VIPR2: variants seen among roughly 807,000 people sequenced by gnomAD.
VIPR2 encodes vasoactive intestinal polypeptide receptor 2.
In VIPR2, 48 loss-of-function variants were observed where a neutral mutation model predicts 58.0. That is an observed-to-expected ratio of 0.83 (90% confidence interval 0.66 to 1.05). The LOEUF is 1.05. VIPR2 is among the 50% of genes least tolerant of loss of function. The probability of loss-of-function intolerance (pLI) is 0.00; values close to 1 mark genes in which losing one functional copy is unlikely to be tolerated. For synonymous variants in VIPR2, 243 were observed against 235.2 expected, an observed-to-expected ratio of 1.03 and a Z score of -0.30; for missense variants, 534 against 558.0, an observed-to-expected ratio of 0.96 and a Z score of 0.43.
In VIPR2 at chr7:159,128,663, T is replaced by C. The variant is rs183909019; in HGVS notation, c.151+13783A>G. Among the ~76,000 whole-genome samples the C allele has an allele frequency of 0.011, 1,628 of 152,214 alleles. 15 individuals carry two copies. Among genetic ancestry groups the C allele is most frequent in the Non-Finnish European group, 0.017 (1,144 of 68,006 alleles). On this transcript the variant is annotated intron_variant, in intron 2 of 12. Transcript: ENST00000262178. The surrounding 1 kb of genome is among the most constrained non-coding windows in gnomAD (Gnocchi z 4.1). Reference sequence around the variant, plus strand: ...CACACTTACCACGAGGGCATCTCCATCTCCCACCTGGAGGAACTCGATCAA... The same window carrying C: ...CACACTTACCACGAGGGCATCTCCACCTCCCACCTGGAGGAACTCGATCAA...
At chr7:159,060,310 A>G (rs925294822) in intron 4 of VIPR2, among the ~76,000 whole-genome samples, 2 of 143,852 alleles carry the variant, frequency 1.4e-5, no homozygotes, top group African/African-American at 5.2e-5. Flanking sequence ...CATCTAACCC[A>G]TACTTCACCT....
Position 159,093,280 on chromosome 7 carries a change from C to T in VIPR2, c.357+10477G>A, listed in dbSNP as rs73730161. Among the ~76,000 whole-genome samples the T allele has an allele frequency of 3.0e-3, 462 of 152,322 alleles. 4 individuals carry two copies. The highest frequency in any genetic ancestry group is 0.01 in the African/African-American group (425 of 41,574). ...CTTTTCCTTAGGTTGAGACTGAAAACGTCAACACAGGAGGCTGGTCTCGTC... is the reference window on the plus strand; with the variant it reads ...CTTTTCCTTAGGTTGAGACTGAAAATGTCAACACAGGAGGCTGGTCTCGTC... On this transcript the variant is annotated intron_variant, in intron 4 of 12. Coordinates refer to ENST00000262178, the MANE Select transcript of VIPR2 (RefSeq NM_003382.5). This position sits in a 1 kb window ranked among gnomAD's most constrained non-coding sequence, Gnocchi z 6.7.
chr7:159,131,743 C>A (rs1004549675), intron 2 of VIPR2, among the ~76,000 whole-genome samples: 1 of 152,216 alleles, frequency 6.6e-6, no homozygotes, highest in African/African-American at 2.4e-5. Context: ...TTTTGGTTAT[C>A]ACCAGAGGTG....
chr7:159,062,452 C>T lies in VIPR2; in HGVS notation c.358-3874G>A, dbSNP rs981271719. 1.1e-4 allele frequency among the ~76,000 whole-genome samples: 17 copies of T among 152,294 alleles called. 1 individual carries two copies. In the Middle Eastern group the frequency reaches 0.014, roughly 122 times the overall value. On this transcript the variant is annotated intron_variant, in intron 4 of 12. Transcript: ENST00000262178. The stretch of plus-strand genomic sequence containing the variant: ...GAGTTTGTTCCTTCTGCTGGATTCG[C>T]GGTCTCGCTGGCTTCAAGAGTGAAG...
In VIPR2 at chr7:159,095,984, C is replaced by G. The variant is rs977451643; in HGVS notation, c.357+7773G>C. ...TGTGGTGTATGATCTGGAGGCTCCCCGGGGGCTCCTGGCAACAAGCTGCAG... is the reference window on the plus strand; with the variant it reads ...TGTGGTGTATGATCTGGAGGCTCCCGGGGGGCTCCTGGCAACAAGCTGCAG... On this transcript the variant is annotated intron_variant, in intron 4 of 12. Coordinates refer to ENST00000262178, the MANE Select transcript of VIPR2 (RefSeq NM_003382.5). The surrounding 1 kb of genome is among the most constrained non-coding windows in gnomAD (Gnocchi z 5.2). 2.6e-5 allele frequency among the ~76,000 whole-genome samples: 4 copies of G among 152,206 alleles called. 1 individual carries two copies. Among genetic ancestry groups the G allele is most frequent in the African/African-American group, 9.6e-5 (4 of 41,532 alleles).
intron 5 of VIPR2, among the ~76,000 whole-genome samples, chr7:159,048,739 T>C (rs1001602445): frequency 6.6e-6 from 1 of 152,252 alleles, no homozygotes; most frequent in Non-Finnish European, 1.5e-5. Context: ...TTGCCTTATG[T>C]TTCTGTTGGA....
At chr7:159,134,726 C>T (rs1460487486) in intron 2 of VIPR2, among the ~76,000 whole-genome samples, 4 of 151,652 alleles carry the variant, frequency 2.6e-5, no homozygotes, top group African/African-American at 4.8e-5. Flanking sequence ...GGGGCCATCT[C>T]GGCTCACTGC....
chr7:159,083,884 C>T (rs1857038172), intron 4 of VIPR2, among the ~76,000 whole-genome samples: 1 of 152,234 alleles, frequency 6.6e-6, no homozygotes, highest in South Asian at 2.1e-4. Context: ...GACTCTGCGT[C>T]TGCTGCAGGC....
At position 159,071,530 on chromosome 7, in the gene VIPR2, C is replaced by T. The variant is rs186829620; in HGVS notation, c.358-12952G>A. Among the ~76,000 whole-genome samples, 4 of 152,334 alleles carry T rather than the reference C, an allele frequency of 2.6e-5. No homozygotes were observed. In the East Asian group the frequency reaches 5.8e-4, roughly 22 times the overall value. The stretch of plus-strand genomic sequence containing the variant: ...TGTGCCTGGAGCTCGGACCCACAAC[C>T]CCACCAGCCTCATCCCAAGGCCCAG... On this transcript the variant is annotated intron_variant, in intron 4 of 12. Transcript: ENST00000262178.
intron 4 of VIPR2, among the ~76,000 whole-genome samples, chr7:159,062,645 G>T (rs1309132147): frequency 6.6e-6 from 1 of 152,146 alleles, no homozygotes; most frequent in Non-Finnish European, 1.5e-5. Context: ...CATAAGCGCA[G>T]TGCTGACCCA....
intron 4 of VIPR2, among the ~76,000 whole-genome samples, chr7:159,068,658 C>G (rs756026628): frequency 2.6e-5 from 4 of 152,204 alleles, no homozygotes; most frequent in Non-Finnish European, 5.9e-5. Context: ...GCTGCTGTGA[C>G]GTTTGTTGTA....
At chr7:159,132,893 C>CAGAATGATTGGCATACCGATTGATTTT (rs1797011359) in intron 2 of VIPR2, among the ~76,000 whole-genome samples, 65 of 23,676 alleles carry the variant, frequency 2.7e-3, no homozygotes, top group Admixed American at 5.8e-3. Context: ...AGATTGATTT[C>CAGAATGATTGGCATACCGATTGATTTT]AGACAGAATG....
At chr7:159,138,604 T>C (rs145882220) in intron 2 of VIPR2, among the ~76,000 whole-genome samples, 2,085 of 152,288 alleles carry the variant, frequency 0.014, 31 homozygotes, top group Admixed American at 0.036. Context: ...TGCAAAACAG[T>C]TGCCAAATAC....
chr7:159,080,342 T>G (rs1856838812), intron 4 of VIPR2, among the ~76,000 whole-genome samples: 1 of 152,162 alleles, frequency 6.6e-6, no homozygotes, highest in Non-Finnish European at 1.5e-5. Flanking sequence ...TAATCCAGCA[T>G]ATAAACAGAA....
intron 5 of VIPR2, among the ~76,000 whole-genome samples, chr7:159,057,135 T>C (rs1253580213): frequency 1.3e-5 from 2 of 152,220 alleles, no homozygotes; most frequent in African/African-American, 2.4e-5. Context: ...TTGTTCAATA[T>C]AGGAAAATAA....
chr7:159,105,137 G>A (rs1858570192), intron 3 of VIPR2, among the ~76,000 whole-genome samples: 1 of 152,214 alleles, frequency 6.6e-6, no homozygotes, highest in Admixed American at 6.5e-5. Flanking sequence ...TGGCCACACA[G>A]AACAGTAAGT....
chr7:159,110,949 C>T (rs1227686459), intron 2 of VIPR2, among the ~76,000 whole-genome samples: 1 of 152,146 alleles, frequency 6.6e-6, no homozygotes, highest in Non-Finnish European at 1.5e-5. Flanking sequence ...AATAAAATTA[C>T]ATACCAATAC....
intron 2 of VIPR2, among the ~76,000 whole-genome samples, chr7:159,123,410 G>A (rs112993707): frequency 0.024 from 3,624 of 151,402 alleles, 156 homozygotes; most frequent in African/African-American, 0.083. Context: ...TGTAGTATTT[G>A]GTTTTCTGTT....
In VIPR2 at chr7:159,097,209, T is replaced by C. The variant is rs1276893016; in HGVS notation, c.357+6548A>G. 1 of 1,426,594 alleles carries C rather than the reference T, an allele frequency of 7.0e-7. No homozygotes were observed. Among genetic ancestry groups the C allele is most frequent in the Non-Finnish European group, 9.2e-7 (1 of 1,087,466 alleles). 88.4% of individuals were successfully genotyped at this position (1,426,594 alleles called of 1,614,324 possible). A position where few individuals can be genotyped will look rare whatever the true frequency, so the allele number is the denominator to read the frequency against. On this transcript the variant is annotated intron_variant, in intron 4 of 12. Transcript: ENST00000262178. The surrounding 1 kb of genome is among the most constrained non-coding windows in gnomAD (Gnocchi z 5.3). ...GAGCCCTGGGGAGTGAAGTTTGCCA[T>C]CAGTGGGAACGAGTCACTGCGGTGG... is the stretch of plus-strand genomic sequence containing the variant.
Sources: allele counts gnomAD v4.1 joint callset (sites outside exome capture counted in the v4.1 genomes callset), GRCh38; gene constraint gnomAD v4.1.1; non-coding constraint Gnocchi (gnomAD v3.1); transcripts MANE v1.5; gene names NCBI Gene and HGNC (gene_info 2026-07-23, HGNC 2026-07-21).